Variants in DOCK7 observed in about 807,000 individuals in gnomAD.
DOCK7 encodes the protein dedicator of cytokinesis 7, also known as dedicator of cytokinesis protein 7.
A neutral mutation model predicts 271.0 loss-of-function variants in DOCK7; 138 were observed. That is an observed-to-expected ratio of 0.51 (90% CI 0.44 to 0.59). The LOEUF (loss-of-function observed/expected upper bound fraction) is 0.59. Among genes scored for constraint, DOCK7 ranks in the 20% least tolerant of loss-of-function variants. The probability of loss-of-function intolerance (pLI) is 0.00; values close to 1 mark genes in which losing one functional copy is unlikely to be tolerated. For synonymous variants in DOCK7, 823 were observed against 876.1 expected, an observed-to-expected ratio of 0.94 and a Z score of 1.07; for missense variants, 2,066 against 2,592.4, an observed-to-expected ratio of 0.80 and a Z score of 4.41.
At chr1:62,464,663 CAGAG>C (rs1412348242) in intron 48 of DOCK7, among the ~76,000 whole-genome samples, 4 of 151,590 alleles carry the variant, frequency 2.6e-5, no homozygotes, top group Admixed American at 6.6e-5. Context: ...GCCTGGGTGA[CAGAG>C]AGAGAATCCA....
intron 18 of DOCK7, among the ~76,000 whole-genome samples, chr1:62,562,654 T>C (rs1646366340): frequency 6.6e-6 from 1 of 152,012 alleles, no homozygotes; most frequent in Non-Finnish European, 1.5e-5. Flanking sequence ...TAAATGAACA[T>C]AAAGACTGAA....
At chr1:62,598,335 C>T (rs1015367263) in intron 14 of DOCK7, among the ~76,000 whole-genome samples, 33 of 151,900 alleles carry the variant, frequency 2.2e-4, no homozygotes, top group African/African-American at 5.3e-4. Flanking sequence ...TATGTCATTA[C>T]ACTATTGTAA....
At chr1:62,494,488 TC>T (rs1213623413) in intron 39 of DOCK7, 21 bp from the exon 40 acceptor site, 1 of 1,584,650 alleles carries the variant, frequency 6.3e-7, no homozygotes, top group Non-Finnish European at 8.6e-7. Flanking sequence ...CAGAAATTCT[TC>T]TCCATTAGTA....
chr1:62,461,320 T>A (rs994648869), intron 48 of DOCK7, among the ~76,000 whole-genome samples: 1 of 152,080 alleles, frequency 6.6e-6, no homozygotes, highest in East Asian at 1.9e-4. Context: ...AGATAATAAT[T>A]CTAATAAGAT....
Position 62,625,414 on chromosome 1 carries a change from T to TA in DOCK7, c.1283-14dup, listed in dbSNP as rs541344421. On this transcript the variant is annotated splice_polypyrimidine_tract_variant and intron_variant, in intron 11 of 49. Transcript: ENST00000635253. ...GACCCTTTTCGTTCTACAAAAGAAT[T>TA]AAAAAAAAAATTCATTTTCATAGAA... 8.5e-4 allele frequency: 1,289 copies of TA among 1,511,166 alleles called. No individual in the cohort carries two copies. The highest frequency in any genetic ancestry group is 2.2e-3 in the African/African-American group (154 of 70,988). 93.6% of individuals were successfully genotyped at this position (1,511,166 alleles called of 1,614,324 possible). A position where few individuals can be genotyped will look rare whatever the true frequency, so the allele number is the denominator to read the frequency against.
intron 48 of DOCK7, among the ~76,000 whole-genome samples, chr1:62,466,473 A>G (rs1198749198): frequency 6.6e-6 from 1 of 152,224 alleles, no homozygotes; most frequent in Non-Finnish European, 1.5e-5. Context: ...TGAGAACCCA[A>G]TTTATGGATT....
chr1:62,656,676 C>A (rs1023852412), intron 2 of DOCK7, among the ~76,000 whole-genome samples: 1 of 151,804 alleles, frequency 6.6e-6, no homozygotes. Context: ...GCAGGGACAT[C>A]AGAACCCAGG....
intron 31 of DOCK7, among the ~76,000 whole-genome samples, chr1:62,519,095 A>G (rs1266599232): frequency 3.3e-5 from 5 of 152,088 alleles, no homozygotes; most frequent in Non-Finnish European, 7.4e-5. Context: ...CATGTAGATG[A>G]AAGTGCAATC....
intron 31 of DOCK7, among the ~76,000 whole-genome samples, chr1:62,525,371 G>C (rs1456193567): frequency 6.6e-6 from 1 of 152,082 alleles, no homozygotes; most frequent in African/African-American, 2.4e-5. Context: ...CTGAGAGTTT[G>C]GTGGGTTGCT....
At chr1:62,553,062 G>GTC (rs1218237342) in intron 21 of DOCK7, among the ~76,000 whole-genome samples, 161 bp from the exon 22 acceptor site, 5 of 109,188 alleles carry the variant, frequency 4.6e-5, no homozygotes, top group African/African-American at 1.8e-4. Flanking sequence ...TTGAGACAGA[G>GTC]TCTCTCTCTG....
intron 4 of DOCK7, among the ~76,000 whole-genome samples, chr1:62,649,414 G>A (rs1277207873): frequency 3.3e-5 from 5 of 152,106 alleles, no homozygotes; most frequent in East Asian, 1.9e-4. Flanking sequence ...CTGCATAATC[G>A]CAAAAGAAAG....
chr1:62,623,109 T>C (rs890655744), intron 12 of DOCK7, among the ~76,000 whole-genome samples: 2 of 152,160 alleles, frequency 1.3e-5, no homozygotes, highest in African/African-American at 4.8e-5. Flanking sequence ...CACTAATGAT[T>C]ACTATATCCC....
intron 14 of DOCK7, among the ~76,000 whole-genome samples, chr1:62,596,947 A>C (rs1377372762): frequency 6.6e-6 from 1 of 152,148 alleles, no homozygotes; most frequent in Non-Finnish European, 1.5e-5. Flanking sequence ...TAAGACATAT[A>C]AGGTGATGCA....
rs1658848268 is a variant in DOCK7, at chr1:62,663,015, C to T, written c.144+10G>A. 5 of 1,592,870 alleles carry T rather than the reference C, an allele frequency of 3.1e-6. No homozygotes were observed. The highest frequency in any genetic ancestry group is 1.7e-5 in the Admixed American group (1 of 59,148). On this transcript the variant is annotated intron_variant, in intron 2 of 49. Transcript: ENST00000635253. ...CCAAGAAGAGACTATATTTTGAATA[C>T]GTTACTTACTGTGGTGTGATGGGAT...
At chr1:62,676,380 G>C (rs942824499) in intron 1 of DOCK7, among the ~76,000 whole-genome samples, 1 of 152,188 alleles carries the variant, frequency 6.6e-6, no homozygotes, top group Non-Finnish European at 1.5e-5. Context: ...GGTCAAAATA[G>C]GGAATGACTG....
intron 7 of DOCK7, chr1:62,641,495 C>G (rs572245294): frequency 2.3e-6 from 1 of 443,946 alleles, no homozygotes; most frequent in Admixed American, 2.4e-5. Flanking sequence ...AAAGAGGTGG[C>G]TGGGGGCTTG....
intron 25 of DOCK7, among the ~76,000 whole-genome samples, chr1:62,541,619 T>A (rs955888392): frequency 6.6e-6 from 1 of 152,166 alleles, no homozygotes; most frequent in African/African-American, 2.4e-5. Flanking sequence ...GCTAGCTTAT[T>A]CTAAGAACAC....
intron 48 of DOCK7, among the ~76,000 whole-genome samples, chr1:62,460,568 G>C (rs1203129509): frequency 6.6e-6 from 1 of 150,972 alleles, no homozygotes; most frequent in Non-Finnish European, 1.5e-5. Context: ...GCACACTGAT[G>C]GACAATTTTA....
chr1:62,634,672 A>G (rs1655036061), intron 9 of DOCK7, 101 bp downstream of exon 9: 1 of 1,250,290 alleles, frequency 8.0e-7, no homozygotes, highest in South Asian at 1.5e-5. Context: ...GATGAAAAAA[A>G]TATGTAAAGG....
Sources: gnomAD v4.1 joint callset for allele counts (sites outside exome capture counted in the v4.1 genomes callset) on GRCh38, gnomAD v4.1.1 for gene constraint, MANE v1.5 for transcripts, NCBI Gene and HGNC (gene_info 2026-07-23, HGNC 2026-07-21) for gene names.